Variants in CABCOCO1 observed in about 807,000 individuals in gnomAD.
CABCOCO1 encodes the protein ciliary associated calcium binding coiled-coil 1.
In CABCOCO1, 28 loss-of-function variants were observed where a neutral mutation model predicts 35.7. The ratio of observed to expected loss-of-function variants is 0.78; its 90% confidence interval spans 0.58 to 1.07. The LOEUF is 1.07. Ranked by LOEUF, CABCOCO1 falls within the 50% of genes least tolerant of loss-of-function variation. The pLI is 0.00. For missense variants in CABCOCO1, 326 were observed against 309.2 expected (o/e 1.05, Z -0.41); for synonymous variants, 95 against 100.1 (o/e 0.95, Z 0.30).
Position 61,730,608 on chromosome 10 carries a change from T to G in CABCOCO1, c.553-29451T>G, listed in dbSNP as rs932283245. 4.6e-5 allele frequency among the ~76,000 whole-genome samples: 7 copies of G among 152,180 alleles called. No individual in the cohort carries two copies. The South Asian group carries it at 1.5e-3, about 32-fold the overall frequency. On this transcript the variant is annotated intron_variant, in intron 5 of 7. Transcript: ENST00000648843. The stretch of plus-strand genomic sequence containing the variant: ...TGTAAGTTTGGTAAGGAATCAAATA[T>G]TTAAAGCGTGCCAATGTATCTTCCC...
intron 5 of CABCOCO1, among the ~76,000 whole-genome samples, chr10:61,722,473 G>A (rs909367403): frequency 2.6e-5 from 4 of 151,768 alleles, no homozygotes; most frequent in South Asian, 2.1e-4. Context: ...CACATAACCA[G>A]AGCTGTACTC....
chr10:61,735,141 G>C (rs572020573), intron 5 of CABCOCO1, among the ~76,000 whole-genome samples: 3 of 152,098 alleles, frequency 2.0e-5, no homozygotes, highest in African/African-American at 7.2e-5. Flanking sequence ...TTGGGAGCCA[G>C]CTAGAAAATT....
chr10:61,698,855 G>GA (rs927436409), intron 5 of CABCOCO1, among the ~76,000 whole-genome samples: 16 of 151,664 alleles, frequency 1.1e-4, no homozygotes, highest in South Asian at 4.2e-4. Context: ...ACCCTTTTAA[G>GA]AAAAAAAAGA....
chr10:61,722,830 T>C (rs1841055077), intron 5 of CABCOCO1, among the ~76,000 whole-genome samples: 1 of 152,120 alleles, frequency 6.6e-6, no homozygotes, highest in Non-Finnish European at 1.5e-5. Flanking sequence ...GTAAAAATTA[T>C]CAAAATAGAC....
intron 5 of CABCOCO1, among the ~76,000 whole-genome samples, chr10:61,740,983 C>T (rs1841537504): frequency 6.6e-6 from 1 of 151,820 alleles, no homozygotes; most frequent in South Asian, 2.1e-4. Context: ...CCCATCTCTA[C>T]TAAAAATACA....
At chr10:61,743,422 G>A (rs1445628622) in intron 5 of CABCOCO1, among the ~76,000 whole-genome samples, 1 of 151,928 alleles carries the variant, frequency 6.6e-6, no homozygotes, top group East Asian at 1.9e-4. Context: ...ATTAGCACTC[G>A]ACTAAATTTC....
chr10:61,700,595 A>G (rs574858912), intron 5 of CABCOCO1, among the ~76,000 whole-genome samples: 27 of 152,168 alleles, frequency 1.8e-4, no homozygotes, highest in Admixed American at 2.0e-4. Context: ...GTTTGGCAAG[A>G]TATATCAAAT....
chr10:61,734,284 G>A (rs1589146770), intron 5 of CABCOCO1, among the ~76,000 whole-genome samples: 1 of 151,842 alleles, frequency 6.6e-6, no homozygotes, highest in Non-Finnish European at 1.5e-5. Flanking sequence ...TTAAAATTAA[G>A]TTTCAGTGTA....
chr10:61,663,640 C>G (rs961993267), intron 1 of CABCOCO1, among the ~76,000 whole-genome samples: 4 of 152,108 alleles, frequency 2.6e-5, no homozygotes, highest in Non-Finnish European at 5.9e-5. Context: ...TTTAGTTGCT[C>G]ATCAGCTTGA....
intron 5 of CABCOCO1, among the ~76,000 whole-genome samples, chr10:61,759,417 T>C (rs1841962376): frequency 1.3e-5 from 2 of 152,022 alleles, no homozygotes; most frequent in Admixed American, 1.3e-4. Flanking sequence ...CTTCCTTGAC[T>C]CTCCTTTTCC....
chr10:61,696,331 T>C (rs749240315), intron 5 of CABCOCO1, among the ~76,000 whole-genome samples: 1 of 151,980 alleles, frequency 6.6e-6, no homozygotes, highest in Non-Finnish European at 1.5e-5. Context: ...GTACTAAATT[T>C]AAAATGCAAA....
At chr10:61,693,067 T>C (rs937091273) in intron 5 of CABCOCO1, among the ~76,000 whole-genome samples, 7 of 152,142 alleles carry the variant, frequency 4.6e-5, no homozygotes, top group Admixed American at 4.6e-4. Flanking sequence ...TAGGTGACAT[T>C]TATGCTATGG....
At chr10:61,717,051 T>C (rs1237865552) in intron 5 of CABCOCO1, among the ~76,000 whole-genome samples, 2 of 152,156 alleles carry the variant, frequency 1.3e-5, no homozygotes, top group Non-Finnish European at 2.9e-5. Flanking sequence ...TTCTTAACTA[T>C]GTGTCAGGCA....
At chr10:61,752,914 C>T (rs757332080) in intron 5 of CABCOCO1, among the ~76,000 whole-genome samples, 3 of 152,114 alleles carry the variant, frequency 2.0e-5, no homozygotes, top group Non-Finnish European at 4.4e-5. Flanking sequence ...TACATGATAG[C>T]TTTATCTAAA....
At chr10:61,699,326 T>G (rs933279964) in intron 5 of CABCOCO1, among the ~76,000 whole-genome samples, 1 of 152,116 alleles carries the variant, frequency 6.6e-6, no homozygotes, top group Non-Finnish European at 1.5e-5. Flanking sequence ...TAAGAGAAAT[T>G]CAAGGAATCT....
chr10:61,761,010 A>T lies in CABCOCO1; in HGVS notation c.816+7A>T. 1.9e-6 allele frequency: 3 copies of T among 1,610,794 alleles called. No homozygotes were observed. Among genetic ancestry groups the T allele is most frequent in the Non-Finnish European group, 2.5e-6 (3 of 1,178,422 alleles). ...CATTTTAATCGGCATTCAGGTACTC[A>T]GTATTGATAGTATGCTCACTTACTT... On this transcript the variant is annotated splice_region_variant and intron_variant, in intron 7 of 7. Transcript: ENST00000648843.
chr10:61,713,747 T>C (rs1314956030), intron 5 of CABCOCO1, among the ~76,000 whole-genome samples: 1 of 152,234 alleles, frequency 6.6e-6, no homozygotes, highest in African/African-American at 2.4e-5. Flanking sequence ...CGAAGGCCTT[T>C]TCTGCATCTA....
At chr10:61,761,090 C>A in intron 7 of CABCOCO1, 87 bp downstream of exon 7, 1 of 1,383,428 alleles carries the variant, frequency 7.2e-7, no homozygotes, top group Non-Finnish European at 1.0e-6. Context: ...ACTCCCCACA[C>A]TGCCAGCATG....
At chr10:61,696,693 TG>T (rs1261835620) in intron 5 of CABCOCO1, among the ~76,000 whole-genome samples, 2 of 151,978 alleles carry the variant, frequency 1.3e-5, no homozygotes, top group South Asian at 2.1e-4. Flanking sequence ...TTGGTTGAGA[TG>T]GGGGTCTCAC....
Sources: gnomAD v4.1 joint callset for allele counts (sites outside exome capture counted in the v4.1 genomes callset) on GRCh38, gnomAD v4.1.1 for gene constraint, MANE v1.5 for transcripts, NCBI Gene and HGNC (gene_info 2026-07-23, HGNC 2026-07-21) for gene names.